Variants in LTBP1 observed in about 807,000 individuals in gnomAD.
LTBP1 encodes the protein latent-transforming growth factor beta-binding protein 1.
LTBP1 carries 129 observed loss-of-function variants against 207.6 expected under a neutral mutation model. That is an observed-to-expected ratio of 0.62 (90% CI 0.54 to 0.72). The LOEUF (loss-of-function observed/expected upper bound fraction) is 0.72. Among genes scored for constraint, LTBP1 ranks in the 30% least tolerant of loss-of-function variants. LTBP1 has a pLI of 0.00. For missense variants in LTBP1, 2,281 were observed against 2,217.2 expected, an observed-to-expected ratio of 1.03 and a Z score of -0.58; for synonymous variants, 963 against 833.7, an observed-to-expected ratio of 1.16 and a Z score of -2.67.
At chr2:33,313,493 A>G (rs1464836837) in intron 23 of LTBP1, among the ~76,000 whole-genome samples, 2 of 152,240 alleles carry the variant, frequency 1.3e-5, no homozygotes, top group Non-Finnish European at 2.9e-5. Flanking sequence ...CAATAGGAAG[A>G]ACATACATTC....
intron 2 of LTBP1, among the ~76,000 whole-genome samples, chr2:32,980,209 T>G (rs1682551825): frequency 6.6e-6 from 1 of 152,144 alleles, no homozygotes; most frequent in South Asian, 2.1e-4. Flanking sequence ...ATTTTGTTAT[T>G]TGTTTTCTGG....
intron 31 of LTBP1, among the ~76,000 whole-genome samples, chr2:33,374,719 C>CA (rs1036673929): frequency 1.3e-5 from 2 of 152,260 alleles, no homozygotes; most frequent in Admixed American, 1.3e-4. Flanking sequence ...CTTGGGAGGC[C>CA]AAGGTGGGCA....
intron 3 of LTBP1, among the ~76,000 whole-genome samples, chr2:33,098,940 C>T (rs1309928583): frequency 6.6e-6 from 1 of 152,166 alleles, no homozygotes. Flanking sequence ...TGGGTACATA[C>T]CCAACTGAAG....
intron 15 of LTBP1, among the ~76,000 whole-genome samples, chr2:33,266,422 A>G (rs1446940177): frequency 2.0e-5 from 3 of 152,148 alleles, no homozygotes; most frequent in Non-Finnish European, 4.4e-5. Flanking sequence ...GAAAGGGGTG[A>G]GTCCTCAGTG....
chr2:33,393,277 G>T (rs1161651608), intron 32 of LTBP1, among the ~76,000 whole-genome samples: 5 of 89,358 alleles, frequency 5.6e-5, no homozygotes, highest in South Asian at 4.2e-4. Context: ...TTGGTTATAT[G>T]AGTAAGTTCT....
intron 31 of LTBP1, among the ~76,000 whole-genome samples, chr2:33,387,299 C>A (rs1441534745): frequency 6.6e-6 from 1 of 152,222 alleles, no homozygotes; most frequent in Non-Finnish European, 1.5e-5. Context: ...ATCTTGCTCT[C>A]GCAAAGAAAT....
At chr2:32,985,690 A>C (rs1683448536) in intron 2 of LTBP1, among the ~76,000 whole-genome samples, 1 of 152,156 alleles carries the variant, frequency 6.6e-6, no homozygotes, top group African/African-American at 2.4e-5. Context: ...GATTCAAATA[A>C]TATTTATTGA....
chr2:32,963,137 C>G (rs1679398708), intron 2 of LTBP1, among the ~76,000 whole-genome samples: 1 of 152,198 alleles, frequency 6.6e-6, no homozygotes, highest in South Asian at 2.1e-4. Context: ...TGGAATGGAT[C>G]ATTTTCCCCA....
chr2:33,120,494 A>G (rs1317072436), intron 4 of LTBP1, among the ~76,000 whole-genome samples: 4 of 152,110 alleles, frequency 2.6e-5, no homozygotes, highest in Non-Finnish European at 4.4e-5. Context: ...CCAGCTCCAT[A>G]TATGTTTCTG....
At chr2:32,983,655 G>C (rs141387851) in intron 2 of LTBP1, among the ~76,000 whole-genome samples, 1 of 152,196 alleles carries the variant, frequency 6.6e-6, no homozygotes, top group Non-Finnish European at 1.5e-5. Flanking sequence ...TGCTGTTCTC[G>C]TGATAGTGAA....
At chr2:33,287,332 C>A (rs879833222) in intron 19 of LTBP1, among the ~76,000 whole-genome samples, 4 of 152,298 alleles carry the variant, frequency 2.6e-5, no homozygotes, top group Admixed American at 2.0e-4. Context: ...TAGGATGTGA[C>A]CTCTGATCTT....
intron 2 of LTBP1, among the ~76,000 whole-genome samples, chr2:32,965,683 A>G (rs567005351): frequency 6.6e-6 from 1 of 152,310 alleles, no homozygotes; most frequent in East Asian, 1.9e-4. Flanking sequence ...ACTGAATAAT[A>G]TTCCATTGTC....
In LTBP1 at chr2:33,275,857, G is replaced by T. The variant is rs1370521744; in HGVS notation, c.2926G>T (p.Val976Leu). The T allele has an allele frequency of 1.9e-6, 3 of 1,613,072 alleles. No homozygotes were observed. Among genetic ancestry groups the T allele is most frequent in the African/African-American group, 1.3e-5 (1 of 75,016 alleles). The change falls in exon 18 of 34, where the codon GTG becomes TTG. Residue 976 changes from valine to leucine, a missense_variant. Val to Leu is a conservative substitution (Grantham distance 32, BLOSUM62 1). This residue lies in a region of LTBP1 where 1,671 missense variants were observed against 1,634.8 expected (regional missense o/e 1.02). Coordinates refer to ENST00000404816, the MANE Select transcript of LTBP1 (RefSeq NM_206943.4). ...TGGGGAGGGGCACTGTGTCAATACTGTGGGGGCCTTCCGGTGTGAATACTG... is the reference window on the plus strand; with the variant it reads ...TGGGGAGGGGCACTGTGTCAATACTTTGGGGGCCTTCCGGTGTGAATACTG... ...VCGEGHCVNTVGAFRCEYCDS... is the reference protein window; with the variant it reads ...VCGEGHCVNTLGAFRCEYCDS...
Position 32,980,655 on chromosome 2 carries a change from A to T in LTBP1, c.565+31710A>T, listed in dbSNP as rs180788505. On this transcript the variant is annotated intron_variant, in intron 2 of 33. Transcript: ENST00000404816. ...ATTACAGTGTTATAACATTCTATGT[A>T]CTTAATATTACTAATGAGTTTTGTA... 2.1e-3 allele frequency among the ~76,000 whole-genome samples: 317 copies of T among 152,282 alleles called. 2 individuals are homozygous for T. The highest frequency in any genetic ancestry group is 7.3e-3 in the African/African-American group (304 of 41,566).
At position 33,334,913 on chromosome 2, in the gene LTBP1, TAA is replaced by T. The variant is rs773724430; in HGVS notation, c.3731-7908_3731-7907del. Among the ~76,000 whole-genome samples, 94 of 128,206 alleles carry T rather than the reference TAA, an allele frequency of 7.3e-4. 1 individual carries two copies. Among genetic ancestry groups the T allele is most frequent in the African/African-American group, 2.1e-3 (78 of 37,046 alleles). 84.1% of individuals were successfully genotyped at this position (128,206 alleles called of 152,430 possible). ...ATGAGACCTCATCTCTACTAAAAAT[TAA>T]AAAAAAAAAAAAAAAATGCCAGGCA... On this transcript the variant is annotated intron_variant, in intron 24 of 33. Transcript: ENST00000404816.
intron 31 of LTBP1, among the ~76,000 whole-genome samples, chr2:33,380,681 T>C (rs754770383): frequency 2.6e-4 from 40 of 152,318 alleles, no homozygotes; most frequent in South Asian, 8.3e-4. Flanking sequence ...TTAGTTGAAT[T>C]CCAGAGTTAA....
At chr2:33,306,276 T>C (rs1161604535) in intron 22 of LTBP1, among the ~76,000 whole-genome samples, 1 of 152,180 alleles carries the variant, frequency 6.6e-6, no homozygotes, top group African/African-American at 2.4e-5. Flanking sequence ...TGCTTTAAAG[T>C]AGCATGAACA....
intron 4 of LTBP1, among the ~76,000 whole-genome samples, chr2:33,118,245 T>G (rs1162112013): frequency 1.3e-5 from 2 of 151,414 alleles, no homozygotes; most frequent in African/African-American, 4.8e-5. Context: ...GGGATTGGCT[T>G]ACACCAACCC....
intron 4 of LTBP1, among the ~76,000 whole-genome samples, chr2:33,118,442 C>T (rs368622879): frequency 6.6e-6 from 1 of 152,314 alleles, no homozygotes; most frequent in African/African-American, 2.4e-5. Context: ...TCCTTAAGCT[C>T]CTTGTCCCAT....
Sources: allele counts gnomAD v4.1 joint callset (sites outside exome capture counted in the v4.1 genomes callset), GRCh38; gene constraint gnomAD v4.1.1; regional missense constraint gnomAD v4.1.1; transcripts MANE v1.5; gene names NCBI Gene and HGNC (gene_info 2026-07-23, HGNC 2026-07-21).